The following SHISA2 variants were observed in gnomAD, a reference collection of about 807,000 sequenced individuals.
SHISA2 encodes the protein shisa family member 2.
SHISA2 carries 16 observed loss-of-function variants against 23.8 expected under a neutral mutation model. The observed-to-expected ratio is 0.67, with a 90% CI of 0.46 to 1.02. The LOEUF is 1.02. SHISA2 is among the 50% of genes least tolerant of loss of function. The pLI is 0.00. For synonymous variants in SHISA2, 201 were observed against 178.6 expected (o/e 1.13, Z -1.00); for missense variants, 459 against 420.1 (o/e 1.09, Z -0.81).
In SHISA2 at chr13:26,046,544, T is replaced by C; in HGVS notation, c.857A>G (p.Glu286Gly). 2 of 1,612,506 alleles carry C rather than the reference T, an allele frequency of 1.2e-6. No individual in the cohort carries two copies. Among genetic ancestry groups the C allele is most frequent in the Non-Finnish European group, 1.7e-6 (2 of 1,179,218 alleles). Residue 286 changes from glutamate (E) to glycine (G), a missense_variant, in exon 2 of 2, where the codon GAA (glutamate) becomes GGA (glycine). Physicochemically the swap from Glu to Gly is moderately conservative, Grantham distance 98. Transcript: ENST00000319420. Reference sequence around the variant, plus strand: ...AGTCACCGCTGGGTACATCTTCTGTTCACTGTTGGTGTGAGGGAAGGGGGA... The same window carrying C: ...AGTCACCGCTGGGTACATCTTCTGTCCACTGTTGGTGTGAGGGAAGGGGGA... ...IQSPFPHTNS[E>G]QKMYPAVTV is the part of the protein sequence containing the mutation.
intron 1 of SHISA2, among the ~76,000 whole-genome samples, chr13:26,047,993 A>G (rs1957278122): frequency 6.6e-6 from 1 of 152,224 alleles, no homozygotes; most frequent in African/African-American, 2.4e-5. Flanking sequence ...TAAAACCACT[A>G]GCAAACTCCA....
At position 26,046,959 on chromosome 13, in the gene SHISA2, CCTG is replaced by C. The variant is rs1237381605; in HGVS notation, c.439_441del (p.Gln147del). On this transcript the variant is annotated inframe_deletion, in exon 2 of 2. Coordinates refer to ENST00000319420, the MANE Select transcript of SHISA2 (RefSeq NM_001007538.2). ...CCTGGGGCTCGGCTCTGCTGGGGAT[CCTG>C]CTTAGGCCGGAGACATCTGCAGCAA... 5 of 1,611,404 alleles carry C rather than the reference CCTG, an allele frequency of 3.1e-6. No homozygotes were observed. In the African/African-American group the frequency reaches 5.3e-5, roughly 17 times the overall value.
Position 26,051,590 on chromosome 13 carries a change from C to T in SHISA2, c.-615G>A, listed in dbSNP as rs1413152829. On this transcript the variant is annotated 5_prime_UTR_variant, in exon 1 of 2. It adds an upstream start codon to the 5' untranslated region. Coordinates refer to ENST00000319420, the MANE Select transcript of SHISA2 (RefSeq NM_001007538.2). Reference sequence around the variant, plus strand: ...CCGGCCGGGCCGCCCGGGCAGCCCACGGGGGTGCAGCCCCGACGCTCCACT... The same window carrying T: ...CCGGCCGGGCCGCCCGGGCAGCCCATGGGGGTGCAGCCCCGACGCTCCACT... Among the ~76,000 whole-genome samples the T allele has an allele frequency of 6.6e-6, 1 of 151,754 alleles. No homozygotes were observed. Among genetic ancestry groups the T allele is most frequent in the Non-Finnish European group, 1.5e-5 (1 of 67,898 alleles).
rs1429380242 is a variant in SHISA2, at chr13:26,045,408, C to T, written c.*1105G>A. ...AAAGAATGCATTACCTCTCAGATGT[C>T]ACCTTAAAGCCAGAAAATTAAGATA... On this transcript the variant is annotated 3_prime_UTR_variant, in exon 2 of 2. Transcript: ENST00000319420. 1.3e-5 allele frequency: 2 copies of T among 152,130 alleles called. No homozygotes were observed. The highest frequency in any genetic ancestry group is 1.5e-5 in the Non-Finnish European group (1 of 68,032). The allele number at this position is 152,130 out of a possible 1,614,324, so 9.4% of individuals were successfully genotyped here.
In SHISA2 at chr13:26,050,738, C is replaced by G; in HGVS notation, c.238G>C (p.Glu80Gln). Residue 80 changes from glutamate to glutamine, a missense_variant, in exon 1 of 2, where the codon GAG (glutamate) becomes CAG (glutamine). Coordinates refer to ENST00000319420, the MANE Select transcript of SHISA2 (RefSeq NM_001007538.2). The stretch of plus-strand genomic sequence containing the variant: ...CAGCCGCCCTGGTCCAGGCGCGCCT[C>G]GGCGCTGGAGCAGCAGTAGCGCAAC... Reference protein sequence around the residue: ...CALRYCCSSAEARLDQGGCDN... With the variant: ...CALRYCCSSAQARLDQGGCDN... 6.7e-7 allele frequency: 1 copy of G among 1,499,478 alleles called. No homozygotes were observed. Among genetic ancestry groups the G allele is most frequent in the South Asian group, 1.2e-5 (1 of 80,418 alleles). 92.9% of individuals were successfully genotyped at this position (1,499,478 alleles called of 1,614,324 possible).
At chr13:26,050,514 C>T in intron 1 of SHISA2, 128 bp downstream of exon 1, 1 of 983,072 alleles carries the variant, frequency 1.0e-6, no homozygotes, top group Non-Finnish European at 1.4e-6. Context: ...AAATAATAAG[C>T]CAGAAGGCAG....
rs1420974044 is a variant in SHISA2, at chr13:26,050,956, G to C, written c.20C>G (p.Ser7Trp). The C allele has an allele frequency of 2.0e-5, 31 of 1,512,666 alleles. No homozygotes were observed. The highest frequency in any genetic ancestry group is 2.6e-5 in the Non-Finnish European group (30 of 1,137,996). The allele number at this position is 1,512,666 out of a possible 1,614,324, so 93.7% of individuals were successfully genotyped here. A position where few individuals can be genotyped will look rare whatever the true frequency, so the allele number is the denominator to read the frequency against. ...GGCGTTCCAGGATGAGGAGACGGAC[G>C]AGCGGCGAGCGCCCCACATGGCACC... MWGARRSSVSSSWNAAS... is the reference protein window; with the variant it reads MWGARRWSVSSSWNAAS... The change falls in exon 1 of 2, where the codon TCG (serine) becomes TGG (tryptophan). Residue 7 changes from serine (S) to tryptophan (W), a missense_variant. Ser to Trp is a radical substitution (Grantham distance 177). Coordinates refer to ENST00000319420, the MANE Select transcript of SHISA2 (RefSeq NM_001007538.2).
Position 26,050,622 on chromosome 13 carries a change from C to T in SHISA2, c.334+20G>A. On this transcript the variant is annotated intron_variant, in intron 1 of 1. Coordinates refer to ENST00000319420, the MANE Select transcript of SHISA2 (RefSeq NM_001007538.2). Reference sequence around the variant, plus strand: ...AACGCCAACCGTCCTCCCTTTCGCGCTGGGCGCAGGCCGCCCTACCTGCCG... The same window carrying T: ...AACGCCAACCGTCCTCCCTTTCGCGTTGGGCGCAGGCCGCCCTACCTGCCG... 1 of 1,387,008 alleles carries T rather than the reference C, an allele frequency of 7.2e-7. No homozygotes were observed. The highest frequency in any genetic ancestry group is 9.3e-7 in the Non-Finnish European group (1 of 1,079,716). 85.9% of individuals were successfully genotyped at this position (1,387,008 alleles called of 1,614,324 possible).
chr13:26,049,646 A>T (rs1957287353), intron 1 of SHISA2, among the ~76,000 whole-genome samples: 3 of 152,142 alleles, frequency 2.0e-5, no homozygotes, highest in Non-Finnish European at 4.4e-5. Context: ...TGCGAAAGGG[A>T]ACGGCACTGA....
chr13:26,047,889 G>A (rs1957277804), intron 1 of SHISA2, among the ~76,000 whole-genome samples: 1 of 152,196 alleles, frequency 6.6e-6, no homozygotes, highest in Non-Finnish European at 1.5e-5. Flanking sequence ...CACAGGGAAA[G>A]CCCTCAGAGC....
intron 1 of SHISA2, among the ~76,000 whole-genome samples, chr13:26,047,444 A>G (rs765011881): frequency 1.9e-4 from 29 of 152,256 alleles, no homozygotes; most frequent in Non-Finnish European, 3.2e-4. Flanking sequence ...AGTCTGCCCG[A>G]CCATATTGTT....
chr13:26,048,380 T>C (rs1300855653), intron 1 of SHISA2, among the ~76,000 whole-genome samples: 1 of 152,166 alleles, frequency 6.6e-6, no homozygotes, highest in Non-Finnish European at 1.5e-5. Flanking sequence ...TACAAGGCTT[T>C]AGAAAATAGA....
rs1294642062 is a variant in SHISA2 at position 26,046,045 on chromosome 13, A to T, written c.*468T>A. Reference sequence around the variant, plus strand: ...CAGTGAGCCGAGATCGCACCACTGCACTCCAGCCTGGGCAACAGAGCAAGA... The same window carrying T: ...CAGTGAGCCGAGATCGCACCACTGCTCTCCAGCCTGGGCAACAGAGCAAGA... On this transcript the variant is annotated 3_prime_UTR_variant, in exon 2 of 2. Transcript: ENST00000319420. 2 of 144,224 alleles carry T rather than the reference A, an allele frequency of 1.4e-5. No homozygotes were observed. The highest frequency in any genetic ancestry group is 5.3e-5 in the African/African-American group (2 of 38,060). The allele number at this position is 144,224 out of a possible 1,614,324, so 8.9% of individuals were successfully genotyped here. A position where few individuals can be genotyped will look rare whatever the true frequency, so the allele number is the denominator to read the frequency against.
In SHISA2 at chr13:26,051,318, C is replaced by A. The variant is rs1957302558; in HGVS notation, c.-343G>T. Among the ~76,000 whole-genome samples, 1 of 152,188 alleles carries A rather than the reference C, an allele frequency of 6.6e-6. No homozygotes were observed. Among genetic ancestry groups the A allele is most frequent in the African/African-American group, 2.4e-5 (1 of 41,462 alleles). On this transcript the variant is annotated 5_prime_UTR_variant, in exon 1 of 2. Coordinates refer to ENST00000319420, the MANE Select transcript of SHISA2 (RefSeq NM_001007538.2). ...TGGCAACCGGACCCTCCCTGAGCATCCCCGAAGGGATGCTCACTCGAGCCG... is the reference window on the plus strand; with the variant it reads ...TGGCAACCGGACCCTCCCTGAGCATACCCGAAGGGATGCTCACTCGAGCCG...
At chr13:26,049,327 A>C (rs1186223778) in intron 1 of SHISA2, among the ~76,000 whole-genome samples, 1 of 152,200 alleles carries the variant, frequency 6.6e-6, no homozygotes, top group East Asian at 1.9e-4. Flanking sequence ...TTTTAGGAAA[A>C]AAACGTTTAA....
At chr13:26,047,638 A>G (rs537145401) in intron 1 of SHISA2, among the ~76,000 whole-genome samples, 3 of 152,212 alleles carry the variant, frequency 2.0e-5, no homozygotes, top group Non-Finnish European at 4.4e-5. Flanking sequence ...GCAGATGTAC[A>G]AGAGGTAAGG....
rs1416279509 is a variant in SHISA2 at position 26,050,630 on chromosome 13, A to T, written c.334+12T>A. The T allele has an allele frequency of 1.1e-5, 15 of 1,390,088 alleles. No homozygotes were observed. The highest frequency in any genetic ancestry group is 6.5e-6 in the Non-Finnish European group (7 of 1,081,654). The allele number at this position is 1,390,088 out of a possible 1,614,324, so 86.1% of individuals were successfully genotyped here. ...CCGTCCTCCCTTTCGCGCTGGGCGC[A>T]GGCCGCCCTACCTGCCGAGCCGTCG... On this transcript the variant is annotated intron_variant, in intron 1 of 1. Transcript: ENST00000319420.
chr13:26,050,523 A>G, intron 1 of SHISA2, 119 bp downstream of exon 1: 1 of 1,036,158 alleles, frequency 9.7e-7, no homozygotes, highest in Non-Finnish European at 1.3e-6. Context: ...GCCAGAAGGC[A>G]GACTCCGCCT....
intron 1 of SHISA2, among the ~76,000 whole-genome samples, chr13:26,048,251 C>T (rs576921916): frequency 9.7e-4 from 148 of 152,094 alleles, no homozygotes; most frequent in Middle Eastern, 3.4e-3. Context: ...TGCAGTAAGC[C>T]GAGATTGTGC....
Sources: allele counts gnomAD v4.1 joint callset (sites outside exome capture counted in the v4.1 genomes callset), GRCh38; gene constraint gnomAD v4.1.1; transcripts MANE v1.5; gene names NCBI Gene and HGNC (gene_info 2026-07-23, HGNC 2026-07-21).